The following FOXP1 variants were observed in gnomAD, a reference collection of about 807,000 sequenced individuals.
The protein encoded by FOXP1 is forkhead box P1.
Under a neutral mutation model 98.2 loss-of-function variants are expected in FOXP1, and 15 were observed. The ratio of observed to expected loss-of-function variants is 0.15; its 90% CI spans 0.10 to 0.24. FOXP1 has a LOEUF of 0.24. Among genes scored for constraint, FOXP1 ranks in the 10% least tolerant of loss-of-function variants. FOXP1 has a pLI of 1.00. For synonymous variants in FOXP1, 371 were observed against 314.5 expected, an observed-to-expected ratio of 1.18 and a Z score of -1.90; for missense variants, 633 against 848.5, an observed-to-expected ratio of 0.75 and a Z score of 3.15.
At position 71,076,390 on chromosome 3, in the gene FOXP1, A is replaced by G. The variant is rs180899008; in HGVS notation, c.283-22617T>C. 2.6e-5 allele frequency among the ~76,000 whole-genome samples: 4 copies of G among 152,362 alleles called. No homozygotes were observed. In the East Asian group the frequency reaches 7.7e-4, roughly 29 times the overall value. On this transcript the variant is annotated intron_variant, in intron 7 of 20. Coordinates refer to ENST00000649528, the MANE Select transcript of FOXP1 (RefSeq NM_001349338.3). Reference sequence around the variant, plus strand: ...AATACGTACATACGCAGACATCAGAAAAGAAGGGCTCCTACCTTGGCCTCA... The same window carrying G: ...AATACGTACATACGCAGACATCAGAGAAGAAGGGCTCCTACCTTGGCCTCA...
chr3:71,112,599 TTGC>T lies in FOXP1; in HGVS notation c.216_218del (p.Gln77del). 6.2e-7 allele frequency: 1 copy of T among 1,614,116 alleles called. No homozygotes were observed. Among genetic ancestry groups the T allele is most frequent in the Non-Finnish European group, 8.5e-7 (1 of 1,179,964 alleles). On this transcript the variant is annotated inframe_deletion, in exon 7 of 21. Transcript: ENST00000649528. ...TTAATCCACTAACTTGCTGCTGCTG[TTGC>T]TGCTGAAGAAGGAGCTGTCTTGCCA...
rs578078202 is a variant in FOXP1, at chr3:71,137,967, G to T, written c.181-25330C>A. Among the ~76,000 whole-genome samples, 8 of 152,156 alleles carry T rather than the reference G, an allele frequency of 5.3e-5. No individual in the cohort carries two copies. In the South Asian group the frequency reaches 1.0e-3, roughly 20 times the overall value. ...GGCCCTCAAGGACAGTGCAGGATGTGAGAACGGCCTTACAAGGACCCTCCA... is the reference window on the plus strand; with the variant it reads ...GGCCCTCAAGGACAGTGCAGGATGTTAGAACGGCCTTACAAGGACCCTCCA... On this transcript the variant is annotated intron_variant, in intron 6 of 20. Coordinates refer to ENST00000649528, the MANE Select transcript of FOXP1 (RefSeq NM_001349338.3).
chr3:71,248,640 C>G (rs2067942132), intron 5 of FOXP1, among the ~76,000 whole-genome samples: 1 of 151,670 alleles, frequency 6.6e-6, no homozygotes, highest in Non-Finnish European at 1.5e-5. Context: ...ACTCGGGTGG[C>G]TGAGGCAGGA....
intron 6 of FOXP1, chr3:71,130,704 A>G: frequency 1.3e-6 from 2 of 1,547,970 alleles, no homozygotes; most frequent in South Asian, 2.3e-5. Flanking sequence ...AGGCAACCTC[A>G]GGGAGGTTTG....
chr3:71,489,846 C>A (rs2106979222), intron 3 of FOXP1, among the ~76,000 whole-genome samples: 1 of 152,348 alleles, frequency 6.6e-6, no homozygotes, highest in Non-Finnish European at 1.5e-5. Flanking sequence ...TCTATCTGTG[C>A]AAACCTTTTA....
At chr3:71,236,689 G>A (rs1208756012) in intron 5 of FOXP1, among the ~76,000 whole-genome samples, 1 of 151,940 alleles carries the variant, frequency 6.6e-6, no homozygotes, top group Non-Finnish European at 1.5e-5. Context: ...GGGCAACATC[G>A]GGAGACCTTA....
At chr3:71,429,083 C>T (rs760569076) in intron 3 of FOXP1, among the ~76,000 whole-genome samples, 4 of 152,178 alleles carry the variant, frequency 2.6e-5, no homozygotes, top group Non-Finnish European at 5.9e-5. Context: ...GCATCAGAAC[C>T]AAGGCACAGG....
At position 70,956,470 on chromosome 3, in the gene FOXP1, A is replaced by C. The variant is rs1164817962; in HGVS notation, c.*2777T>G. The stretch of plus-strand genomic sequence containing the variant: ...GACTAAGCATGCAAGACATACGACT[A>C]AGTGCAACTGAGTGAAATGTTTTTT... On this transcript the variant is annotated 3_prime_UTR_variant, in exon 21 of 21. Transcript: ENST00000649528. 1 of 228,724 alleles carries C rather than the reference A, an allele frequency of 4.4e-6. No individual in the cohort carries two copies. The highest frequency in any genetic ancestry group is 8.6e-6 in the Non-Finnish European group (1 of 115,958). 14.2% of individuals were successfully genotyped at this position (228,724 alleles called of 1,614,324 possible).
At chr3:71,431,507 A>G (rs930858657) in intron 3 of FOXP1, among the ~76,000 whole-genome samples, 1 of 152,148 alleles carries the variant, frequency 6.6e-6, no homozygotes, top group Non-Finnish European at 1.5e-5. Flanking sequence ...CCCAATTTAC[A>G]GATAGAAAAC....
At chr3:71,245,122 C>G (rs2067626356) in intron 5 of FOXP1, 1 of 152,124 alleles carries the variant, frequency 6.6e-6, no homozygotes, top group African/African-American at 2.4e-5. Flanking sequence ...ACTTATTTTC[C>G]GGGAAGCCTT....
intron 4 of FOXP1, among the ~76,000 whole-genome samples, chr3:71,348,522 CGTGTGTGT>C (rs772944612): frequency 1.6e-4 from 11 of 69,922 alleles, no homozygotes; most frequent in Non-Finnish European, 2.2e-4. Context: ...TGTGTGTGTG[CGTGTGTGT>C]GTGTGTGTGT....
chr3:71,000,857 C>T, intron 13 of FOXP1, 115 bp downstream of exon 13: 1 of 438,564 alleles, frequency 2.3e-6, no homozygotes, highest in Non-Finnish European at 4.0e-6. Context: ...AGGACAATGA[C>T]AGGTTTTGGA....
chr3:71,265,953 C>A (rs1261700567), intron 5 of FOXP1, among the ~76,000 whole-genome samples: 1 of 152,170 alleles, frequency 6.6e-6, no homozygotes. Flanking sequence ...GTGCAAGAGG[C>A]CATCCCGGTC....
At chr3:71,184,569 A>T (rs1015756740) in intron 6 of FOXP1, among the ~76,000 whole-genome samples, 1 of 152,214 alleles carries the variant, frequency 6.6e-6, no homozygotes, top group African/African-American at 2.4e-5. Flanking sequence ...TACATTTTAA[A>T]TACCTGAGAA....
chr3:71,126,363 C>T (rs1242994314), intron 6 of FOXP1, among the ~76,000 whole-genome samples: 1 of 151,408 alleles, frequency 6.6e-6, no homozygotes, highest in African/African-American at 2.4e-5. Context: ...GTGGCAGGCG[C>T]CTGTAGTCCC....
At chr3:71,440,024 T>C (rs2085770796) in intron 3 of FOXP1, among the ~76,000 whole-genome samples, 2 of 150,524 alleles carry the variant, frequency 1.3e-5, no homozygotes. Context: ...TTATGCTAAG[T>C]GAAATAAGCC....
intron 7 of FOXP1, among the ~76,000 whole-genome samples, chr3:71,100,712 T>G (rs535520435): frequency 6.6e-6 from 1 of 152,192 alleles, no homozygotes; most frequent in Non-Finnish European, 1.5e-5. Flanking sequence ...TTCTGGATTT[T>G]GGGGACTCTG....
chr3:71,329,173 T>C (rs2076132452), intron 4 of FOXP1, among the ~76,000 whole-genome samples: 1 of 151,792 alleles, frequency 6.6e-6, no homozygotes, highest in Admixed American at 6.6e-5. Flanking sequence ...GAATGAATGA[T>C]CCCGTCACCC....
intron 3 of FOXP1, among the ~76,000 whole-genome samples, chr3:71,421,339 C>T (rs1432652416): frequency 2.0e-5 from 3 of 152,156 alleles, no homozygotes; most frequent in African/African-American, 4.8e-5. Context: ...TCATCCTCTA[C>T]CCTCAGGTAA....
Sources: gnomAD v4.1 joint callset for allele counts (sites outside exome capture counted in the v4.1 genomes callset) on GRCh38, gnomAD v4.1.1 for gene constraint, MANE v1.5 for transcripts, NCBI Gene and HGNC (gene_info 2026-07-23, HGNC 2026-07-21) for gene names.